OSBPL1A: variants seen among roughly 807,000 people sequenced by gnomAD.
OSBPL1A encodes oxysterol binding protein like 1A.
A neutral mutation model predicts 137.1 loss-of-function variants in OSBPL1A; 80 were observed. That is an observed-to-expected ratio of 0.58 (90% confidence interval 0.49 to 0.70). OSBPL1A has a LOEUF of 0.70. Among genes scored for constraint, OSBPL1A ranks in the 30% least tolerant of loss-of-function variants. OSBPL1A has a pLI of 0.00. For missense variants in OSBPL1A, 970 were observed against 1,129.4 expected (o/e 0.86, Z 2.02); for synonymous variants, 365 against 389.7 (o/e 0.94, Z 0.75).
At chr18:24,277,526 A>T (rs148079507) in intron 15 of OSBPL1A, among the ~76,000 whole-genome samples, 135 of 152,308 alleles carry the variant, frequency 8.9e-4, no homozygotes, top group African/African-American at 3.2e-3. Context: ...GGTGGTCACC[A>T]TTTTAAATAG....
rs554912340 is a variant in OSBPL1A at position 24,365,915 on chromosome 18, T to C, written c.282+977A>G. On this transcript the variant is annotated intron_variant, in intron 4 of 27. Transcript: ENST00000319481. The stretch of plus-strand genomic sequence containing the variant: ...CCACCACCAAGCAAGCAATTAGTTC[T>C]GCAGCAAATACCAGCTATGTGTCCT... 2.0e-5 allele frequency among the ~76,000 whole-genome samples: 3 copies of C among 152,332 alleles called. No individual in the cohort carries two copies. The South Asian group carries it at 6.2e-4, about 32-fold the overall frequency.
At chr18:24,221,194 G>A (rs904809554) in intron 17 of OSBPL1A, among the ~76,000 whole-genome samples, 27 of 152,236 alleles carry the variant, frequency 1.8e-4, no homozygotes, top group African/African-American at 5.8e-4. Context: ...CTTACTTCCT[G>A]GAAGGTATTT....
intron 18 of OSBPL1A, among the ~76,000 whole-genome samples, chr18:24,188,141 GAT>G (rs1567931060): frequency 1.3e-5 from 2 of 152,252 alleles, no homozygotes; most frequent in East Asian, 3.8e-4. Flanking sequence ...ATGGACCAGG[GAT>G]GACATTTTAG....
At chr18:24,176,099 T>A (rs1221507545) in intron 21 of OSBPL1A, among the ~76,000 whole-genome samples, 4 of 152,374 alleles carry the variant, frequency 2.6e-5, no homozygotes, top group Admixed American at 2.6e-4. Context: ...ATTCTGTTCT[T>A]CCTTTTCAAA....
Position 24,162,248 on chromosome 18 carries a change from A to G in OSBPL1A, c.*931T>C. 6.6e-6 allele frequency: 1 copy of G among 152,238 alleles called. No homozygotes were observed. The highest frequency in any genetic ancestry group is 1.5e-5 in the Non-Finnish European group (1 of 68,054). 9.4% of individuals were successfully genotyped at this position (152,238 alleles called of 1,614,324 possible). On this transcript the variant is annotated 3_prime_UTR_variant, in exon 28 of 28. Transcript: ENST00000319481. ...CCAATTAAAGGGGCAAAACTACTGT[A>G]CAGTAGGTCTCCACACATATTTTAA...
chr18:24,201,758 A>G (rs1177441226), intron 17 of OSBPL1A, among the ~76,000 whole-genome samples: 1 of 151,760 alleles, frequency 6.6e-6, no homozygotes, highest in Admixed American at 6.6e-5. Context: ...CCAAGAGTCC[A>G]TTAAAAAAAA....
chr18:24,390,301 A>G (rs537403957), intron 1 of OSBPL1A, among the ~76,000 whole-genome samples: 1 of 152,378 alleles, frequency 6.6e-6, no homozygotes, highest in Admixed American at 6.5e-5. Flanking sequence ...TCAAACAGAT[A>G]TTTGTATTCC....
chr18:24,280,935 T>G lies in OSBPL1A; in HGVS notation c.1188A>C (p.Ser396=). The change falls in exon 15 of 28, where the codon TCA becomes TCC. Residue 396 remains serine (S), a synonymous_variant. Coordinates refer to ENST00000319481, the MANE Select transcript of OSBPL1A (RefSeq NM_080597.4). The part of the protein sequence containing the change: ...ECDMAKEMLP[S]FLQKVEVVSE... ...AGACAACTTCAACTTTCTGAAGAAATGATGGAAGCATTTCTATAAAGAAAA... is the reference window on the plus strand; with the variant it reads ...AGACAACTTCAACTTTCTGAAGAAAGGATGGAAGCATTTCTATAAAGAAAA... 6.2e-7 allele frequency: 1 copy of G among 1,601,376 alleles called. No homozygotes were observed. The highest frequency in any genetic ancestry group is 8.5e-7 in the Non-Finnish European group (1 of 1,176,304).
intron 7 of OSBPL1A, among the ~76,000 whole-genome samples, chr18:24,323,539 C>CTTTTTTTTTTTTTTTTTTTTTTTTT (rs763234169): frequency 1.1e-4 from 4 of 35,154 alleles, no homozygotes; most frequent in East Asian, 4.2e-4. Flanking sequence ...GAGGCTTTTT[C>CTTTTTTTTTTTTTTTTTTTTTTTTT]TTTTTTTTTT....
At chr18:24,322,811 T>G (rs1028750101) in intron 7 of OSBPL1A, among the ~76,000 whole-genome samples, 6 of 152,114 alleles carry the variant, frequency 3.9e-5, no homozygotes, top group Non-Finnish European at 8.8e-5. Flanking sequence ...ACAGTAAGAA[T>G]TCAATAAAAT....
intron 4 of OSBPL1A, among the ~76,000 whole-genome samples, chr18:24,346,262 C>T (rs2091343860): frequency 6.6e-6 from 1 of 152,114 alleles, no homozygotes; most frequent in Non-Finnish European, 1.5e-5. Flanking sequence ...AGATGAAATG[C>T]TTAGAGAAAA....
At chr18:24,374,179 C>T (rs1309938988) in intron 2 of OSBPL1A, among the ~76,000 whole-genome samples, 1 of 152,016 alleles carries the variant, frequency 6.6e-6, no homozygotes. Context: ...GATCATTCTC[C>T]ATAACAAAGA....
rs766767329 is a variant in OSBPL1A at position 24,368,351 on chromosome 18, C to T, written c.143G>A (p.Gly48Asp). 3.7e-6 allele frequency: 6 copies of T among 1,613,360 alleles called. No individual in the cohort carries two copies. In the Middle Eastern group the frequency reaches 6.6e-4, roughly 177 times the overall value. The change falls in exon 3 of 28, where the codon GGC (glycine) becomes GAC (aspartate). Residue 48 changes from glycine to aspartate, a missense_variant. Transcript: ENST00000319481. ...GCATGCCAGATGTAGAGGTGTCCAG[C>T]CCAAGTTAGACTTACTTCTTCCTAA... ...NCKGRSKSNL[G>D]WTPLHLACYF...
chr18:24,265,330 A>C (rs759489074), intron 15 of OSBPL1A, among the ~76,000 whole-genome samples: 1 of 152,024 alleles, frequency 6.6e-6, no homozygotes, highest in Non-Finnish European at 1.5e-5. Context: ...AAATATAAAA[A>C]TTAACCAGCC....
intron 21 of OSBPL1A, among the ~76,000 whole-genome samples, chr18:24,174,271 G>A (rs970200451): frequency 3.3e-5 from 5 of 152,210 alleles, no homozygotes; most frequent in Non-Finnish European, 7.3e-5. Context: ...GAGTCATGTG[G>A]TAAACATAAG....
chr18:24,312,233 C>A, intron 12 of OSBPL1A, 127 bp from the exon 13 acceptor site: 1 of 1,060,458 alleles, frequency 9.4e-7, no homozygotes, highest in Non-Finnish European at 1.3e-6. Context: ...AAAGGGAAAG[C>A]AAAGCAACCA....
At chr18:24,210,316 T>C (rs1162098671) in intron 17 of OSBPL1A, among the ~76,000 whole-genome samples, 1 of 151,912 alleles carries the variant, frequency 6.6e-6, no homozygotes, top group Non-Finnish European at 1.5e-5. Context: ...TCCCAACTAC[T>C]TGGGAGGCTG....
intron 1 of OSBPL1A, among the ~76,000 whole-genome samples, chr18:24,382,616 G>A (rs1366240783): frequency 2.6e-5 from 4 of 151,486 alleles, no homozygotes; most frequent in Non-Finnish European, 4.4e-5. Context: ...AAGAAGCTGG[G>A]GGCAACGGCT....
chr18:24,329,329 C>A (rs1237746084), intron 7 of OSBPL1A, among the ~76,000 whole-genome samples: 2 of 152,082 alleles, frequency 1.3e-5, no homozygotes, highest in Non-Finnish European at 2.9e-5. Flanking sequence ...GCGGGCGGGT[C>A]ACCTGAGGTC....
Sources: gnomAD v4.1 joint callset for allele counts (sites outside exome capture counted in the v4.1 genomes callset) on GRCh38, gnomAD v4.1.1 for gene constraint, MANE v1.5 for transcripts, NCBI Gene and HGNC (gene_info 2026-07-23, HGNC 2026-07-21) for gene names.